Variants in IL34 observed in about 807,000 individuals in gnomAD.
IL34 encodes the protein interleukin 34, also known as interleukin-34.
In IL34, 17 loss-of-function variants were observed where a neutral mutation model predicts 25.3. That is an observed-to-expected ratio of 0.67 (90% CI 0.46 to 1.01). IL34 has a LOEUF of 1.01. IL34 is among the 50% of genes least tolerant of loss of function. The probability of loss-of-function intolerance (pLI) is 0.00; values close to 1 mark genes in which losing one functional copy is unlikely to be tolerated. For synonymous variants in IL34, 174 were observed against 140.9 expected (o/e 1.23, Z -1.66); for missense variants, 368 against 312.9 (o/e 1.18, Z -1.33).
chr16:70,609,414 G>A (rs1052628410), intron 1 of IL34, among the ~76,000 whole-genome samples: 1 of 152,072 alleles, frequency 6.6e-6, no homozygotes, highest in Non-Finnish European at 1.5e-5. Context: ...GCCACAGCTC[G>A]CAAGCTGTTA....
upstream of IL34, among the ~76,000 whole-genome samples, chr16:70,645,482 C>T (rs12919296): frequency 0.29 from 44,790 of 152,020 alleles, 6,940 homozygotes; most frequent in South Asian, 0.45. Context: ...AAATCAGAGA[C>T]GGAATTCCAG....
At chr16:70,634,126 C>T (rs1436209567) in intron 1 of IL34, among the ~76,000 whole-genome samples, 6 of 152,054 alleles carry the variant, frequency 3.9e-5, no homozygotes, top group Admixed American at 3.9e-4. Context: ...GCTGGGATTA[C>T]AGGTGTGAGC....
chr16:70,631,220 TTGAC>T (rs557128444), intron 1 of IL34, among the ~76,000 whole-genome samples: 1 of 152,206 alleles, frequency 6.6e-6, no homozygotes, highest in Non-Finnish European at 1.5e-5. Flanking sequence ...AGAAGCTCCT[TTGAC>T]TGAGCCAATA....
intron 1 of IL34, among the ~76,000 whole-genome samples, chr16:70,634,105 C>T (rs1328034569): frequency 6.6e-6 from 1 of 152,050 alleles, no homozygotes; most frequent in African/African-American, 2.4e-5. Flanking sequence ...CCCGCCTCGG[C>T]CTCCCAAAAT....
chr16:70,642,248 GAGA>G (rs1178228973), upstream of IL34, among the ~76,000 whole-genome samples: 9 of 150,778 alleles, frequency 6.0e-5, no homozygotes, highest in African/African-American at 2.2e-4. Context: ...GACAGAGAGA[GAGA>G]GAGACAAAGA....
At chr16:70,647,127 C>A in intron 1 of IL34, 152 bp downstream of exon 1, 2 of 726,580 alleles carry the variant, frequency 2.8e-6, no homozygotes, top group Non-Finnish European at 4.1e-6. Flanking sequence ...ATTCCCACGG[C>A]CGCCGTCTGC....
rs571022559 is a variant in IL34 at position 70,599,531 on chromosome 16, ATT to A, written c.-401+19497_-401+19498del. ...GCCAACACGCCCAGTTAATTTTTGT[ATT>A]TTTTTTTTTTTTTTAGTAGAGACGG... On this transcript the variant is annotated intron_variant, in intron 1 of 6. Transcript: ENST00000429149. Among the ~76,000 whole-genome samples, 978 of 132,846 alleles carry A rather than the reference ATT, an allele frequency of 7.4e-3. 12 individuals carry two copies. Among genetic ancestry groups the A allele is most frequent in the African/African-American group, 0.023 (866 of 37,392 alleles). The allele number at this position is 132,846 out of a possible 152,430, so 87.2% of individuals were successfully genotyped here. A position where few individuals can be genotyped will look rare whatever the true frequency, so the allele number is the denominator to read the frequency against.
chr16:70,622,731 T>C (rs1385067378), intron 1 of IL34, among the ~76,000 whole-genome samples: 1 of 151,932 alleles, frequency 6.6e-6, no homozygotes, highest in Non-Finnish European at 1.5e-5. Context: ...AAAGAGTGAG[T>C]ACAGCTGAAG....
chr16:70,633,843 C>G lies in IL34; in HGVS notation c.-400-12705C>G, dbSNP rs2051575447. ...TTTCTCAATCATCACGTGGTCTTCTCCCTGAGTCTCTCTCTTTTTTTTTTT... is the reference window on the plus strand; with the variant it reads ...TTTCTCAATCATCACGTGGTCTTCTGCCTGAGTCTCTCTCTTTTTTTTTTT... On this transcript the variant is annotated intron_variant, in intron 1 of 6. Transcript: ENST00000429149. 2.0e-5 allele frequency among the ~76,000 whole-genome samples: 3 copies of G among 152,060 alleles called. No individual in the cohort carries two copies. In the South Asian group the frequency reaches 6.2e-4, roughly 32 times the overall value.
At chr16:70,634,092 C>A (rs2051583618) in intron 1 of IL34, among the ~76,000 whole-genome samples, 1 of 152,036 alleles carries the variant, frequency 6.6e-6, no homozygotes, top group Non-Finnish European at 1.5e-5. Flanking sequence ...CTCAAGTGAT[C>A]TGCCCGCCTC....
intron 1 of IL34, among the ~76,000 whole-genome samples, chr16:70,650,651 A>G (rs1419821203): frequency 6.6e-6 from 1 of 152,234 alleles, no homozygotes; most frequent in Non-Finnish European, 1.5e-5. Flanking sequence ...CTTGTGGACC[A>G]GAGGTGGCTC....
intron 1 of IL34, among the ~76,000 whole-genome samples, chr16:70,638,541 T>C (rs1292696909): frequency 6.6e-6 from 1 of 152,132 alleles, no homozygotes; most frequent in African/African-American, 2.4e-5. Context: ...TCTGGTCCCC[T>C]GGTTGGTGGC....
chr16:70,656,814 C>T (rs2052236170), intron 3 of IL34, 135 bp downstream of exon 3: 1 of 1,051,900 alleles, frequency 9.5e-7, no homozygotes, highest in African/African-American at 1.6e-5. Flanking sequence ...AGCAGGCTGG[C>T]CCTTGGCCCA....
intron 1 of IL34, among the ~76,000 whole-genome samples, chr16:70,627,248 AACAC>A: frequency 6.6e-6 from 1 of 152,288 alleles, no homozygotes; most frequent in South Asian, 2.1e-4. Flanking sequence ...TAATTACACA[AACAC>A]ACAGGAAAGC....
chr16:70,655,764 A>G (rs2052202807), intron 2 of IL34, among the ~76,000 whole-genome samples: 1 of 151,938 alleles, frequency 6.6e-6, no homozygotes. Flanking sequence ...GCTGAAGTGT[A>G]GTGGCGGGAT....
In IL34 at chr16:70,660,281, C is replaced by T. The variant is rs949101643; in HGVS notation, c.*94C>T. ...GACTTCAAGGGGTGGTGGTGGGAGC[C>T]CCCCTTGGGAGAGGACCCCTGGGAA... is the stretch of plus-strand genomic sequence containing the variant. On this transcript the variant is annotated 3_prime_UTR_variant, in exon 6 of 6. Transcript: ENST00000288098. 8.2e-7 allele frequency: 1 copy of T among 1,224,750 alleles called. No homozygotes were observed. The highest frequency in any genetic ancestry group is 1.1e-6 in the Non-Finnish European group (1 of 901,744). 75.9% of individuals were successfully genotyped at this position (1,224,750 alleles called of 1,614,324 possible).
upstream of IL34, among the ~76,000 whole-genome samples, chr16:70,642,542 C>T (rs529765834): frequency 2.0e-4 from 31 of 152,170 alleles, no homozygotes; most frequent in Middle Eastern, 6.8e-3. Context: ...GTGATCCTCC[C>T]GCCTTGGGCT....
chr16:70,641,790 C>T (rs1250570179), upstream of IL34, among the ~76,000 whole-genome samples: 1 of 81,716 alleles, frequency 1.2e-5, no homozygotes, highest in African/African-American at 5.3e-5. Context: ...TGGTCTTGAA[C>T]TCCTGGGCTC....
chr16:70,590,860 CAGTT>C (rs2050745931), intron 1 of IL34, among the ~76,000 whole-genome samples: 1 of 152,184 alleles, frequency 6.6e-6, no homozygotes, highest in Non-Finnish European at 1.5e-5. Context: ...CCCTGGCAGT[CAGTT>C]CCTGGGGTCA....
Sources: gnomAD v4.1 joint callset for allele counts (sites outside exome capture counted in the v4.1 genomes callset) on GRCh38, gnomAD v4.1.1 for gene constraint, MANE v1.5 for transcripts, NCBI Gene and HGNC (gene_info 2026-07-23, HGNC 2026-07-21) for gene names.